The following DLGAP1 variants were observed in gnomAD, a reference collection of about 807,000 sequenced individuals.
DLGAP1 encodes the protein DLG associated protein 1.
Under a neutral mutation model 90.8 loss-of-function variants are expected in DLGAP1, and 11 were observed. The observed-to-expected ratio is 0.12, with a 90% CI of 0.08 to 0.20. DLGAP1 has a LOEUF of 0.20. Among genes scored for constraint, DLGAP1 ranks in the 10% least tolerant of loss-of-function variants. The pLI is 1.00. For missense variants in DLGAP1, 1,050 were observed against 1,333.8 expected (o/e 0.79, Z 3.31); for synonymous variants, 558 against 540.7 (o/e 1.03, Z -0.44).
intron 5 of DLGAP1, among the ~76,000 whole-genome samples, chr18:3,759,600 A>G (rs1167295085): frequency 1.3e-5 from 2 of 152,212 alleles, no homozygotes; most frequent in African/African-American, 4.8e-5. Context: ...TACAAAATGA[A>G]TGCCGACTAT....
At chr18:3,820,074 AATG>A (rs1193701647) in intron 4 of DLGAP1, among the ~76,000 whole-genome samples, 1 of 152,172 alleles carries the variant, frequency 6.6e-6, no homozygotes, top group Non-Finnish European at 1.5e-5. Context: ...AGTCTGTGCC[AATG>A]ATGGTCTGTG....
chr18:4,276,443 C>T (rs372227224), intron 1 of DLGAP1, among the ~76,000 whole-genome samples: 2 of 151,834 alleles, frequency 1.3e-5, no homozygotes, highest in African/African-American at 4.8e-5. Context: ...CAAGACCAGC[C>T]TGGCCAACGT....
In DLGAP1 at chr18:3,675,227, C is replaced by T. The variant is rs570748080; in HGVS notation, c.1591+53908G>A. ...CTGGGATTACAGACATGCTCCACCA[C>T]GCCTGGCTAAGTTTTGTGTTTTTAG... On this transcript the variant is annotated intron_variant, in intron 7 of 12. Coordinates refer to ENST00000315677, the MANE Select transcript of DLGAP1 (RefSeq NM_004746.4). Among the ~76,000 whole-genome samples the T allele has an allele frequency of 1.1e-4, 16 of 152,200 alleles. No homozygotes were observed. The South Asian group carries it at 2.1e-3, about 20-fold the overall frequency.
chr18:3,843,409 ATCT>A (rs1320373864), intron 4 of DLGAP1, among the ~76,000 whole-genome samples: 2 of 152,198 alleles, frequency 1.3e-5, no homozygotes, highest in Admixed American at 1.3e-4. Context: ...TGGTATAAAA[ATCT>A]TCTTATTGTA....
At chr18:3,638,878 T>C (rs1479873364) in intron 7 of DLGAP1, among the ~76,000 whole-genome samples, 1 of 152,198 alleles carries the variant, frequency 6.6e-6, no homozygotes, top group Non-Finnish European at 1.5e-5. Context: ...GATCCTAAAA[T>C]GGTCACATTG....
chr18:3,639,843 C>T (rs2058866850), intron 7 of DLGAP1, among the ~76,000 whole-genome samples: 1 of 139,178 alleles, frequency 7.2e-6, no homozygotes, highest in Admixed American at 7.1e-5. Context: ...CAAGCTCCGC[C>T]TCCTGGGTTC....
chr18:3,807,533 G>A (rs1046737389), intron 5 of DLGAP1, among the ~76,000 whole-genome samples: 2 of 152,088 alleles, frequency 1.3e-5, no homozygotes, highest in African/African-American at 4.8e-5. Flanking sequence ...TGTAAAGCCC[G>A]TAGCACTCAG....
intron 3 of DLGAP1, among the ~76,000 whole-genome samples, chr18:3,897,778 ATTTTTTTT>A (rs869170460): frequency 1.8e-4 from 17 of 94,500 alleles, no homozygotes; most frequent in African/African-American, 6.2e-4. Flanking sequence ...CGAATTTCTG[ATTTTTTTT>A]TTTTTTTTTT....
chr18:4,304,870 G>A (rs907364190), intron 1 of DLGAP1, among the ~76,000 whole-genome samples: 5 of 151,770 alleles, frequency 3.3e-5, no homozygotes, highest in African/African-American at 1.2e-4. Flanking sequence ...GGCGGAGGTT[G>A]CAGTGAGCTG....
intron 3 of DLGAP1, chr18:3,894,669 C>T (rs575328611): frequency 1.3e-5 from 2 of 152,054 alleles, no homozygotes; most frequent in African/African-American, 4.8e-5. Context: ...AGTTTAGGCT[C>T]TTTTTTGATT....
intron 4 of DLGAP1, among the ~76,000 whole-genome samples, chr18:3,877,014 T>C (rs8097259): frequency 1.3e-5 from 2 of 152,094 alleles, no homozygotes; most frequent in African/African-American, 4.8e-5. Context: ...GCATCAAACA[T>C]ACTTGAGCCT....
chr18:3,952,360 T>G (rs1461451028), intron 3 of DLGAP1, among the ~76,000 whole-genome samples: 1 of 152,208 alleles, frequency 6.6e-6, no homozygotes, highest in African/African-American at 2.4e-5. Context: ...GGACCAACCC[T>G]ATACTCTTGG....
In DLGAP1 at chr18:3,664,218, CCACA is replaced by C. The variant is rs759262912; in HGVS notation, c.1591+64913_1591+64916del. Among the ~76,000 whole-genome samples, 41 of 75,836 alleles carry C rather than the reference CCACA, an allele frequency of 5.4e-4. 1 individual carries two copies. In the East Asian group the frequency reaches 9.0e-3, roughly 17 times the overall value. 49.8% of individuals were successfully genotyped at this position (75,836 alleles called of 152,430 possible). A position where few individuals can be genotyped will look rare whatever the true frequency, so the allele number is the denominator to read the frequency against. ...CACACACACACACACACACACACAC[CCACA>C]CACACACACACACACGGATATACTA... On this transcript the variant is annotated intron_variant, in intron 7 of 12. Coordinates refer to ENST00000315677, the MANE Select transcript of DLGAP1 (RefSeq NM_004746.4).
At chr18:3,929,291 A>G (rs756455698) in intron 3 of DLGAP1, among the ~76,000 whole-genome samples, 4 of 152,232 alleles carry the variant, frequency 2.6e-5, no homozygotes, top group Admixed American at 6.5e-5. Context: ...CTCACGGTCT[A>G]AAGCTATCAA....
chr18:3,578,643 C>T (rs1472496499), intron 8 of DLGAP1, among the ~76,000 whole-genome samples: 3 of 133,906 alleles, frequency 2.2e-5, no homozygotes, highest in South Asian at 2.5e-4. Context: ...GCCTGAGCCA[C>T]CGCACCCGGC....
intron 3 of DLGAP1, among the ~76,000 whole-genome samples, chr18:3,992,175 G>C (rs895216444): frequency 3.9e-5 from 6 of 152,048 alleles, no homozygotes; most frequent in Non-Finnish European, 7.4e-5. Context: ...TACTCATATT[G>C]GTCCCCTATT....
At chr18:3,702,317 C>T (rs1229114388) in intron 7 of DLGAP1, among the ~76,000 whole-genome samples, 1 of 152,246 alleles carries the variant, frequency 6.6e-6, no homozygotes, top group East Asian at 1.9e-4. Context: ...GCGTAAGCCG[C>T]TCCTGACGTC....
chr18:4,377,045 A>C (rs967446461), intron 1 of DLGAP1, among the ~76,000 whole-genome samples: 3 of 152,128 alleles, frequency 2.0e-5, no homozygotes, highest in Non-Finnish European at 2.9e-5. Flanking sequence ...ACTTCCCAAC[A>C]TATTAAACTT....
At chr18:4,371,165 G>T (rs1288064133) in intron 1 of DLGAP1, among the ~76,000 whole-genome samples, 1 of 152,194 alleles carries the variant, frequency 6.6e-6, no homozygotes, top group African/African-American at 2.4e-5. Flanking sequence ...TGAGATATAA[G>T]TGTACATAAG....
Sources: allele counts gnomAD v4.1 joint callset (sites outside exome capture counted in the v4.1 genomes callset), GRCh38; gene constraint gnomAD v4.1.1; transcripts MANE v1.5; gene names NCBI Gene and HGNC (gene_info 2026-07-23, HGNC 2026-07-21).